TRAF2: variants seen among roughly 807,000 people sequenced by gnomAD.
The protein encoded by TRAF2 is TNF receptor-associated factor 2.
A neutral mutation model predicts 55.6 loss-of-function variants in TRAF2; 6 were observed. That is an observed-to-expected ratio of 0.11 (90% CI 0.06 to 0.21). The LOEUF is 0.21. Among genes scored for constraint, TRAF2 ranks in the 10% least tolerant of loss-of-function variants. The pLI, the probability that TRAF2 is intolerant of heterozygous loss-of-function variation, is 1.00. For missense variants in TRAF2, 561 were observed against 684.5 expected (o/e 0.82, Z 2.01); for synonymous variants, 329 against 276.3 (o/e 1.19, Z -1.89).
chr9:136,925,706 G>T lies in TRAF2; in HGVS notation c.1311G>T (p.Gln437His). ...NQKVTLMLLD[Q>H]NNREHVIDAF... Reference sequence around the variant, plus strand: ...AGGTGACCTTAATGCTGCTCGACCAGAATAACCGGGAGCACGTGATTGACG... The same window carrying T: ...AGGTGACCTTAATGCTGCTCGACCATAATAACCGGGAGCACGTGATTGACG... The change falls in exon 11 of 11, where the codon CAG becomes CAT. Residue 437 changes from glutamine (Q) to histidine (H), a missense_variant. Gln to His is a conservative substitution (Grantham distance 24). Around this residue, in one of 2 missense-constraint regions of TRAF2, gnomAD observed 135 missense variants for 207.7 expected, o/e 0.65. Coordinates refer to ENST00000247668, the MANE Select transcript of TRAF2 (RefSeq NM_021138.4). 1 of 1,614,138 alleles carries T rather than the reference G, an allele frequency of 6.2e-7. No homozygotes were observed. Among genetic ancestry groups the T allele is most frequent in the Non-Finnish European group, 8.5e-7 (1 of 1,180,044 alleles).
At chr9:136,910,048 C>T (rs942534146) in intron 6 of TRAF2, 54 bp downstream of exon 6, 9 of 1,375,338 alleles carry the variant, frequency 6.5e-6, no homozygotes, top group East Asian at 4.8e-5. Context: ...ATGTGTTGGA[C>T]GTGAGGGTCC....
chr9:136,916,427 AG>A, intron 6 of TRAF2, 113 bp from the exon 7 acceptor site: 1 of 1,031,902 alleles, frequency 9.7e-7, no homozygotes, highest in East Asian at 2.4e-5. Flanking sequence ...GTGAGAGTGA[AG>A]AGGCCAACGG....
intron 6 of TRAF2, among the ~76,000 whole-genome samples, chr9:136,913,249 C>T (rs1429033651): frequency 2.7e-5 from 4 of 148,694 alleles, no homozygotes; most frequent in Non-Finnish European, 4.4e-5. Context: ...GGAAGTACAT[C>T]TTATGAAGAT....
chr9:136,919,691 A>G (rs7039752), intron 7 of TRAF2, among the ~76,000 whole-genome samples: 2 of 37,354 alleles, frequency 5.4e-5, no homozygotes, highest in Non-Finnish European at 1.0e-4. Context: ...TCTTCCCTTC[A>G]TCCCTTCATC....
chr9:136,885,017 T>C (rs1232193634), upstream of TRAF2, among the ~76,000 whole-genome samples: 3 of 152,218 alleles, frequency 2.0e-5, no homozygotes, highest in Non-Finnish European at 4.4e-5. Context: ...GACGTTTCCA[T>C]GGCTGCTTGC....
chr9:136,885,527 G>A (rs1849428547), upstream of TRAF2, among the ~76,000 whole-genome samples: 1 of 152,202 alleles, frequency 6.6e-6, no homozygotes, highest in Admixed American at 6.5e-5. Flanking sequence ...TGAGTGTCTG[G>A]AGGCCATAGG....
In TRAF2 at chr9:136,909,326, G is replaced by A. The variant is rs959040166; in HGVS notation, c.529-594G>A. Reference sequence around the variant, plus strand: ...TGTCTGTCTTTGCCTTGGTGTATCTGAATCACGATCCATACAGGGTTCCTG... The same window carrying A: ...TGTCTGTCTTTGCCTTGGTGTATCTAAATCACGATCCATACAGGGTTCCTG... On this transcript the variant is annotated intron_variant, in intron 5 of 10. Transcript: ENST00000247668. Among the ~76,000 whole-genome samples the A allele has an allele frequency of 7.4e-5, 11 of 148,426 alleles. 1 individual carries two copies. Among genetic ancestry groups the A allele is most frequent in the Admixed American group, 7.4e-4 (11 of 14,862 alleles).
At chr9:136,896,859 C>T (rs1042209190) in intron 1 of TRAF2, among the ~76,000 whole-genome samples, 3 of 152,194 alleles carry the variant, frequency 2.0e-5, no homozygotes, top group African/African-American at 4.8e-5. Flanking sequence ...CTGCCCACCT[C>T]GGCCTCCCAA....
chr9:136,883,307 T>G (rs1849395721), upstream of TRAF2, among the ~76,000 whole-genome samples: 1 of 152,206 alleles, frequency 6.6e-6, no homozygotes, highest in African/African-American at 2.4e-5. Flanking sequence ...GGTCACTACC[T>G]GCTCTCGAGG....
rs1160573644 is a variant in TRAF2 at position 136,920,498 on chromosome 9, G to A, written c.943G>A (p.Glu315Lys). 6.2e-7 allele frequency: 1 copy of A among 1,611,888 alleles called. No individual in the cohort carries two copies. Among genetic ancestry groups the A allele is most frequent in the South Asian group, 1.1e-5 (1 of 90,944 alleles). The change falls in exon 8 of 11, where the codon GAA becomes AAA. Residue 315 changes from glutamate (E) to lysine (K), a missense_variant. By Grantham distance (56) the Glu-to-Lys change is moderately conservative. Around this residue, in one of 2 missense-constraint regions of TRAF2, gnomAD observed 426 missense variants for 476.8 expected, o/e 0.89. Coordinates refer to ENST00000247668, the MANE Select transcript of TRAF2 (RefSeq NM_021138.4). ...RQHRLDQDKIEALSSKVQQLE... is the reference protein window; with the variant it reads ...RQHRLDQDKIKALSSKVQQLE... ...GCACCGGCTGGACCAAGACAAGATT[G>A]AAGCCCTGAGTAGCAAGGTTTGTGC...
In TRAF2 at chr9:136,922,091, C is replaced by G. The variant is rs180813486; in HGVS notation, c.1138+876C>G. 4.8e-3 allele frequency among the ~76,000 whole-genome samples: 734 copies of G among 152,342 alleles called. 6 individuals are homozygous for G. The highest frequency in any genetic ancestry group is 5.7e-3 in the Non-Finnish European group (390 of 68,028). ...ATTTAGCCTGGCACTGCTCGTGAAA[C>G]TCAGCACTGGGGGCCATGGCAGTCC... On this transcript the variant is annotated intron_variant, in intron 9 of 10. Transcript: ENST00000247668.
rs1431320798 is a variant in TRAF2, at chr9:136,909,821, C to T, written c.529-99C>T. 5.7e-6 allele frequency: 7 copies of T among 1,234,690 alleles called. No individual in the cohort carries two copies. In the South Asian group the frequency reaches 6.3e-5, roughly 11 times the overall value. 76.5% of individuals were successfully genotyped at this position (1,234,690 alleles called of 1,614,324 possible). A position where few individuals can be genotyped will look rare whatever the true frequency, so the allele number is the denominator to read the frequency against. On this transcript the variant is annotated intron_variant, in intron 5 of 10. Transcript: ENST00000247668. ...GCTGGAGGGTGACCACGTGCTCCTG[C>T]GGCCCCTCGGCGCTGCCCAGCCTGA...
intron 6 of TRAF2, among the ~76,000 whole-genome samples, chr9:136,913,294 A>ATTT (rs1564416773): frequency 1.5e-5 from 1 of 65,034 alleles, no homozygotes; most frequent in African/African-American, 8.4e-5. Context: ...ATTATAAAGG[A>ATTT]ATTTTTTTTT....
chr9:136,923,720 T>C (rs1588446821), intron 9 of TRAF2, 132 bp from the exon 10 acceptor site: 1 of 636,152 alleles, frequency 1.6e-6, no homozygotes, highest in African/African-American at 6.0e-5. Flanking sequence ...AAAAAAACTT[T>C]TCTTTGCACC....
At chr9:136,891,746 A>C (rs1849585046) in intron 1 of TRAF2, among the ~76,000 whole-genome samples, 1 of 151,244 alleles carries the variant, frequency 6.6e-6, no homozygotes, top group South Asian at 2.1e-4. Context: ...TTTGAGACGA[A>C]GTTTCGCTCT....
chr9:136,894,501 A>G (rs1358136742), intron 1 of TRAF2, among the ~76,000 whole-genome samples: 15 of 152,128 alleles, frequency 9.9e-5, no homozygotes, highest in Admixed American at 2.6e-4. Flanking sequence ...GCCAAGGGGC[A>G]GGTGTGCAGA....
At chr9:136,902,187 G>A (rs10870141) in intron 4 of TRAF2, 114,790 of 152,150 alleles carry the variant, frequency 0.75, 43,493 homozygotes, top group East Asian at 0.87. Flanking sequence ...CGGCTGTGGC[G>A]CATGGCATTG....
chr9:136,913,343 G>T (rs1850167023), intron 6 of TRAF2, among the ~76,000 whole-genome samples: 1 of 117,518 alleles, frequency 8.5e-6, no homozygotes, highest in Non-Finnish European at 1.6e-5. Context: ...TGCCGCCCAG[G>T]CTGGAGTGCA....
intron 4 of TRAF2, chr9:136,902,477 A>G (rs1849843965): frequency 6.6e-6 from 1 of 152,268 alleles, no homozygotes; most frequent in Non-Finnish European, 1.5e-5. Context: ...GGGATGCCAC[A>G]TTGACAATTA....
Sources: gnomAD v4.1 joint callset for allele counts (sites outside exome capture counted in the v4.1 genomes callset) on GRCh38, gnomAD v4.1.1 for gene constraint, gnomAD v4.1.1 regional missense constraint, MANE v1.5 for transcripts, NCBI Gene and HGNC (gene_info 2026-07-23, HGNC 2026-07-21) for gene names.